Variants in PLEKHA7 observed in about 807,000 individuals in gnomAD.
The protein encoded by PLEKHA7 is pleckstrin homology domain containing A7.
PLEKHA7 carries 104 observed loss-of-function variants against 170.0 expected under a neutral mutation model. The observed-to-expected ratio is 0.61, with a 90% confidence interval of 0.52 to 0.72. The LOEUF (loss-of-function observed/expected upper bound fraction) is 0.72. Among genes scored for constraint, PLEKHA7 ranks in the 30% least tolerant of loss-of-function variants. The pLI is 0.00. For missense variants in PLEKHA7, 1,615 were observed against 1,671.7 expected (o/e 0.97, Z 0.59); for synonymous variants, 648 against 660.8 (o/e 0.98, Z 0.30).
chr11:16,791,320 G>T lies in PLEKHA7; in HGVS notation c.2746-121C>A. ...AGGCCACATCAGAGCCACAGAACATGACTGCCTCAGCCAAGGAGCACTCAC... is the reference window on the plus strand; with the variant it reads ...AGGCCACATCAGAGCCACAGAACATTACTGCCTCAGCCAAGGAGCACTCAC... On this transcript the variant is annotated intron_variant, in intron 19 of 26. Transcript: ENST00000531066. This position sits in a 1 kb window ranked among gnomAD's most constrained non-coding sequence, Gnocchi z 4.5. 1.1e-6 allele frequency: 1 copy of T among 950,086 alleles called. No homozygotes were observed. The highest frequency in any genetic ancestry group is 1.7e-5 in the South Asian group (1 of 57,876). 58.9% of individuals were successfully genotyped at this position (950,086 alleles called of 1,614,324 possible). A position where few individuals can be genotyped will look rare whatever the true frequency, so the allele number is the denominator to read the frequency against.
chr11:16,833,279 C>A (rs1031263658), intron 9 of PLEKHA7, among the ~76,000 whole-genome samples: 1 of 152,110 alleles, frequency 6.6e-6, no homozygotes, highest in African/African-American at 2.4e-5. Context: ...CGAAACAAAC[C>A]AGAATGCTAG....
intron 3 of PLEKHA7, among the ~76,000 whole-genome samples, chr11:16,914,234 AT>A (rs1033525633): frequency 6.6e-6 from 1 of 152,132 alleles, no homozygotes. Context: ...AGAAGTAGAC[AT>A]TTTTTTCTTT....
At chr11:16,944,670 C>T (rs889393957) in intron 3 of PLEKHA7, among the ~76,000 whole-genome samples, 3 of 152,010 alleles carry the variant, frequency 2.0e-5, no homozygotes, top group African/African-American at 7.2e-5. Flanking sequence ...ATGTGAGGTA[C>T]ATCATAACAG....
chr11:16,809,841 T>C (rs1014525432), intron 13 of PLEKHA7, among the ~76,000 whole-genome samples: 14 of 152,342 alleles, frequency 9.2e-5, no homozygotes, highest in African/African-American at 3.4e-4. Flanking sequence ...CATGGAGACA[T>C]ACCAGAGTTT....
At chr11:16,829,944 C>A (rs1377821994) in intron 9 of PLEKHA7, among the ~76,000 whole-genome samples, 6 of 151,876 alleles carry the variant, frequency 4.0e-5, no homozygotes, top group African/African-American at 1.2e-4. Context: ...GTAAACTGAA[C>A]CAACAGTCCT....
At chr11:16,784,903 A>C (rs1209214014) in intron 24 of PLEKHA7, among the ~76,000 whole-genome samples, 2 of 152,226 alleles carry the variant, frequency 1.3e-5, no homozygotes, top group Non-Finnish European at 2.9e-5. Flanking sequence ...GCTGGCAGGC[A>C]ATCAGGACAC....
chr11:16,826,160 C>A lies in PLEKHA7; in HGVS notation c.1303G>T (p.Val435Leu), dbSNP rs1440501675. The stretch of plus-strand genomic sequence containing the variant: ...TTCTGGGCCCTTGCCCAGTGCTCCA[C>A]CTGGGCCAGATTGCTCTTCCTTTGG... ...HSQRKSNLAQ[V>L]EHWARAQKGD... Residue 435 changes from valine (V) to leucine (L), a missense_variant, in exon 10 of 27, where the codon GTG (valine) becomes TTG (leucine). Val to Leu is a conservative substitution (Grantham distance 32). Transcript: ENST00000531066. The A allele has an allele frequency of 3.7e-6, 6 of 1,614,128 alleles. No individual in the cohort carries two copies. Among genetic ancestry groups the A allele is most frequent in the Non-Finnish European group, 5.1e-6 (6 of 1,180,050 alleles).
intron 9 of PLEKHA7, among the ~76,000 whole-genome samples, chr11:16,834,510 C>T (rs1851358847): frequency 1.3e-5 from 2 of 152,110 alleles, no homozygotes; most frequent in South Asian, 4.2e-4. Flanking sequence ...AAAGGTGACT[C>T]TACTACAAGT....
intron 9 of PLEKHA7, among the ~76,000 whole-genome samples, chr11:16,830,107 T>C (rs534230849): frequency 3.4e-4 from 52 of 152,238 alleles, no homozygotes; most frequent in African/African-American, 1.3e-3. Flanking sequence ...GACTCCTGTG[T>C]AACTGGTACC....
intron 3 of PLEKHA7, among the ~76,000 whole-genome samples, chr11:16,932,231 A>T (rs1030308499): frequency 6.6e-6 from 1 of 151,836 alleles, no homozygotes; most frequent in Non-Finnish European, 1.5e-5. Flanking sequence ...GTATAATAGC[A>T]TGGGACACAA....
At chr11:16,983,729 C>T (rs1213914615) in intron 3 of PLEKHA7, among the ~76,000 whole-genome samples, 1 of 152,338 alleles carries the variant, frequency 6.6e-6, no homozygotes, top group East Asian at 1.9e-4. Context: ...TCACCTTCTC[C>T]CTGCTCATTC....
At chr11:16,928,684 G>C (rs1010927096) in intron 3 of PLEKHA7, among the ~76,000 whole-genome samples, 2 of 151,752 alleles carry the variant, frequency 1.3e-5, no homozygotes, top group Admixed American at 6.6e-5. Flanking sequence ...TCAAATCCTG[G>C]GCTCAAGTGA....
chr11:16,943,276 T>A (rs1033629016), intron 3 of PLEKHA7, among the ~76,000 whole-genome samples: 8 of 152,190 alleles, frequency 5.3e-5, no homozygotes, highest in African/African-American at 1.7e-4. Flanking sequence ...TTTTCTAGTA[T>A]TAAATCTCTG....
intron 19 of PLEKHA7, among the ~76,000 whole-genome samples, chr11:16,792,120 A>T (rs1331636897): frequency 6.6e-6 from 1 of 152,178 alleles, no homozygotes; most frequent in East Asian, 1.9e-4. Flanking sequence ...AAGTTAAGCC[A>T]TCTGCCTAAG....
intron 3 of PLEKHA7, among the ~76,000 whole-genome samples, chr11:16,975,890 C>T (rs1253174639): frequency 6.6e-6 from 1 of 152,176 alleles, no homozygotes; most frequent in Non-Finnish European, 1.5e-5. Flanking sequence ...GCCACAATCA[C>T]GTTATTCTCT....
chr11:16,979,027 T>TTTG (rs899165571), intron 3 of PLEKHA7, among the ~76,000 whole-genome samples: 6 of 152,082 alleles, frequency 3.9e-5, no homozygotes, highest in Non-Finnish European at 8.8e-5. Flanking sequence ...ACCTGATTCT[T>TTTG]TTGTTGTTGT....
chr11:16,908,501 CTT>C (rs4030729), intron 3 of PLEKHA7, among the ~76,000 whole-genome samples: 1 of 145,134 alleles, frequency 6.9e-6, no homozygotes, highest in Non-Finnish European at 1.5e-5. Flanking sequence ...ATTTTTTTTT[CTT>C]TTTTTTTTTC....
intron 10 of PLEKHA7, among the ~76,000 whole-genome samples, chr11:16,824,322 T>C (rs1850467216): frequency 6.6e-6 from 1 of 151,948 alleles, no homozygotes; most frequent in African/African-American, 2.4e-5. Context: ...AGGCCAGGAG[T>C]TCGAATCCAG....
intron 8 of PLEKHA7, among the ~76,000 whole-genome samples, chr11:16,846,203 T>C (rs1852393430): frequency 6.6e-6 from 1 of 152,022 alleles, no homozygotes; most frequent in Non-Finnish European, 1.5e-5. Context: ...GAGAATCTCT[T>C]GAACCTGGGA....
Sources: gnomAD v4.1 joint callset for allele counts (sites outside exome capture counted in the v4.1 genomes callset) on GRCh38, gnomAD v4.1.1 for gene constraint, Gnocchi (gnomAD v3.1) non-coding constraint, MANE v1.5 for transcripts, NCBI Gene and HGNC (gene_info 2026-07-23, HGNC 2026-07-21) for gene names.